NRG1: variants seen among roughly 807,000 people sequenced by gnomAD.
NRG1 encodes neuregulin 1.
In NRG1, 18 loss-of-function variants were observed where a neutral mutation model predicts 63.8. That is an observed-to-expected ratio of 0.28 (90% confidence interval 0.19 to 0.42). The LOEUF (loss-of-function observed/expected upper bound fraction) is 0.42. Ranked by LOEUF, NRG1 falls within the 10% of genes least tolerant of loss-of-function variation. The probability of loss-of-function intolerance (pLI) is 1.00; values close to 1 mark genes in which losing one functional copy is unlikely to be tolerated. For synonymous variants in NRG1, 302 were observed against 301.3 expected (o/e 1.00, Z -0.02); for missense variants, 762 against 814.7 (o/e 0.94, Z 0.79).
chr8:31,858,850 A>G (rs1488399647), intron 1 of NRG1, among the ~76,000 whole-genome samples: 1 of 152,152 alleles, frequency 6.6e-6, no homozygotes, highest in East Asian at 1.9e-4. Context: ...TGGGTTACGA[A>G]GTTTTGCCTC....
At chr8:31,889,129 A>G (rs1379268088) in intron 1 of NRG1, among the ~76,000 whole-genome samples, 1 of 152,208 alleles carries the variant, frequency 6.6e-6, no homozygotes, top group Non-Finnish European at 1.5e-5. Context: ...AGATTCAGTA[A>G]GTGATTTAGA....
chr8:32,279,125 A>G (rs2129473029), intron 1 of NRG1, among the ~76,000 whole-genome samples: 1 of 152,310 alleles, frequency 6.6e-6, no homozygotes, highest in Non-Finnish European at 1.5e-5. Context: ...AGACGCTGCT[A>G]CTTGAGGGCT....
chr8:32,400,590 A>G (rs1813045915), intron 1 of NRG1, among the ~76,000 whole-genome samples: 1 of 152,150 alleles, frequency 6.6e-6, no homozygotes, highest in Middle Eastern at 3.2e-3. Flanking sequence ...CAAATCCACA[A>G]TGAGATACCA....
At chr8:32,419,114 C>T (rs761015725) in intron 1 of NRG1, among the ~76,000 whole-genome samples, 23 of 152,178 alleles carry the variant, frequency 1.5e-4, no homozygotes, top group Non-Finnish European at 1.8e-4. Flanking sequence ...GATGGATTTC[C>T]TAGAGTTTTT....
At chr8:32,752,375 A>G (rs1162530139) in intron 7 of NRG1, among the ~76,000 whole-genome samples, 3 of 152,312 alleles carry the variant, frequency 2.0e-5, no homozygotes, top group Non-Finnish European at 2.9e-5. Context: ...CAATTAACAT[A>G]TAAGCACTCA....
exon 12 of NRG1, chr8:32,764,718 G>C (rs1831285113): frequency 1.0e-5 from 2 of 200,738 alleles, no homozygotes; most frequent in Non-Finnish European, 2.0e-5. Flanking sequence ...GTTTTTGCTG[G>C]CTTCTTGTGC....
chr8:32,625,392 AT>A (rs760933908), intron 5 of NRG1, among the ~76,000 whole-genome samples: 1 of 152,182 alleles, frequency 6.6e-6, no homozygotes, highest in Non-Finnish European at 1.5e-5. Flanking sequence ...TTTAGGTTGA[AT>A]TTATCCATCA....
intron 1 of NRG1, among the ~76,000 whole-genome samples, chr8:31,878,636 A>G (rs533123123): frequency 3.9e-4 from 60 of 152,326 alleles, no homozygotes; most frequent in African/African-American, 1.4e-3. Context: ...CAACATCTGC[A>G]AGGCTACAAT....
chr8:32,048,307 A>G (rs1247636014), intron 1 of NRG1, among the ~76,000 whole-genome samples: 1 of 150,470 alleles, frequency 6.6e-6, no homozygotes, highest in African/African-American at 2.4e-5. Context: ...ATATTCATAC[A>G]TATATGTATG....
intron 1 of NRG1, among the ~76,000 whole-genome samples, chr8:31,749,141 TAAG>T (rs1038587022): frequency 1.3e-5 from 2 of 151,772 alleles, no homozygotes; most frequent in Non-Finnish European, 2.9e-5. Flanking sequence ...GTTTAAATGC[TAAG>T]AAAATTCAAG....
In NRG1 at chr8:31,712,908, C is replaced by T. The variant is rs557450124; in HGVS notation, c.37+73477C>T. ...CAGTGTACTTGCTGCTAATATGGCC[C>T]CTTCTTCAATCTGTCTGTCTATTAT... On this transcript the variant is annotated intron_variant, in intron 1 of 10. Transcript: ENST00000519301. Among the ~76,000 whole-genome samples the T allele has an allele frequency of 2.6e-5, 4 of 151,922 alleles. No individual in the cohort carries two copies. In the South Asian group the frequency reaches 6.3e-4, roughly 24 times the overall value.
At chr8:32,072,715 T>A (rs1309695605) in intron 1 of NRG1, among the ~76,000 whole-genome samples, 1 of 152,178 alleles carries the variant, frequency 6.6e-6, no homozygotes, top group Non-Finnish European at 1.5e-5. Flanking sequence ...GAATCTGAAT[T>A]TCTATTTCTT....
intron 1 of NRG1, among the ~76,000 whole-genome samples, chr8:32,296,568 C>A (rs1295260348): frequency 6.6e-6 from 1 of 150,474 alleles, no homozygotes; most frequent in African/African-American, 2.5e-5. Flanking sequence ...GAGCCAAGAT[C>A]CTGTGCCATG....
chr8:32,169,501 T>TC (rs1839776818), intron 1 of NRG1, among the ~76,000 whole-genome samples: 1 of 152,204 alleles, frequency 6.6e-6, no homozygotes, highest in African/African-American at 2.4e-5. Flanking sequence ...TCCAATAGGC[T>TC]CAAGAATTCT....
At chr8:32,302,483 C>T (rs1014573581) in intron 1 of NRG1, among the ~76,000 whole-genome samples, 2 of 152,136 alleles carry the variant, frequency 1.3e-5, no homozygotes, top group Non-Finnish European at 2.9e-5. Flanking sequence ...AGAGAGTAGT[C>T]TGAATGCTAT....
At chr8:31,786,918 T>G (rs770417517) in intron 1 of NRG1, among the ~76,000 whole-genome samples, 1 of 152,108 alleles carries the variant, frequency 6.6e-6, no homozygotes, top group African/African-American at 2.4e-5. Flanking sequence ...CATCGGACCC[T>G]GGTAATCAAC....
chr8:31,663,129 G>A (rs1473426124), intron 1 of NRG1, among the ~76,000 whole-genome samples: 4 of 152,156 alleles, frequency 2.6e-5, no homozygotes, highest in Non-Finnish European at 4.4e-5. Context: ...CCAGTGTTCT[G>A]AGAAGCTCCC....
intron 1 of NRG1, among the ~76,000 whole-genome samples, chr8:32,079,456 G>A (rs761449026): frequency 6.6e-6 from 1 of 152,130 alleles, no homozygotes; most frequent in Non-Finnish European, 1.5e-5. Context: ...ACTTACAGAT[G>A]TGGAAACTAA....
At chr8:31,793,421 C>T (rs1190888442) in intron 1 of NRG1, among the ~76,000 whole-genome samples, 4 of 152,138 alleles carry the variant, frequency 2.6e-5, no homozygotes, top group African/African-American at 9.7e-5. Flanking sequence ...CACTCAGTGA[C>T]TAATTTTCTA....
Sources: gnomAD v4.1 joint callset for allele counts (sites outside exome capture counted in the v4.1 genomes callset) on GRCh38, gnomAD v4.1.1 for gene constraint, MANE v1.5 for transcripts, NCBI Gene and HGNC (gene_info 2026-07-23, HGNC 2026-07-21) for gene names.